The following ZW10 variants were observed in gnomAD, a reference collection of about 807,000 sequenced individuals.
ZW10 encodes zw10 kinetochore protein.
In ZW10, 53 loss-of-function variants were observed where a neutral mutation model predicts 87.8. The ratio of observed to expected loss-of-function variants is 0.60; its 90% CI spans 0.48 to 0.76. The LOEUF (loss-of-function observed/expected upper bound fraction) is 0.76. Among genes scored for constraint, ZW10 ranks in the 30% least tolerant of loss-of-function variants. ZW10 has a pLI of 0.00. For missense variants in ZW10, 837 were observed against 923.0 expected (o/e 0.91, Z 1.21); for synonymous variants, 312 against 329.2 (o/e 0.95, Z 0.57).
chr11:113,773,483 C>A, intron 1 of ZW10, 79 bp downstream of exon 1: 1 of 1,255,958 alleles, frequency 8.0e-7, no homozygotes. Context: ...TGCCCTTAGC[C>A]CCTGACTCCT....
chr11:113,752,671 G>A (rs1953745710), intron 7 of ZW10, among the ~76,000 whole-genome samples: 1 of 152,178 alleles, frequency 6.6e-6, no homozygotes, highest in African/African-American at 2.4e-5. Flanking sequence ...CAAATGTTGT[G>A]TGTGTTCTGA....
In ZW10 at chr11:113,733,426, G is replaced by A. The variant is rs115517863; in HGVS notation, c.*268C>T. ...GGCTCTGGAAGCAGCATGAAATAAT[G>A]CTGCCTGACAGTTTGTTAGCTAATC... On this transcript the variant is annotated 3_prime_UTR_variant, in exon 16 of 16. Transcript: ENST00000200135. 1,705 of 421,726 alleles carry A rather than the reference G, an allele frequency of 4.0e-3. 28 individuals are homozygous for A. The highest frequency in any genetic ancestry group is 0.032 in the African/African-American group (1,550 of 48,294). The allele number at this position is 421,726 out of a possible 1,614,324, so 26.1% of individuals were successfully genotyped here. A position where few individuals can be genotyped will look rare whatever the true frequency, so the allele number is the denominator to read the frequency against.
At chr11:113,760,689 T>TC in intron 3 of ZW10, 99 bp from the exon 4 acceptor site, 2 of 734,346 alleles carry the variant, frequency 2.7e-6, no homozygotes, top group Admixed American at 4.2e-5. Context: ...CCCTCCCCCC[T>TC]CTAAAAAAAA....
chr11:113,764,175 G>A (rs142149970), intron 2 of ZW10, among the ~76,000 whole-genome samples: 11,839 of 152,134 alleles, frequency 0.078, 565 homozygotes, highest in African/African-American at 0.13. Flanking sequence ...GGTTGTAGAC[G>A]TGTGGTGTTA....
Position 113,757,863 on chromosome 11 carries a change from C to T in ZW10, c.734-10G>A. ...TTCAGCAGCATCTGACCTGAAAAAT[C>T]ATATGAACATTCATCAAAAAATCAC... On this transcript the variant is annotated splice_polypyrimidine_tract_variant and intron_variant, in intron 6 of 15. Transcript: ENST00000200135. The T allele has an allele frequency of 6.4e-7, 1 of 1,572,956 alleles. No homozygotes were observed. Among genetic ancestry groups the T allele is most frequent in the Non-Finnish European group, 8.6e-7 (1 of 1,156,120 alleles).
In ZW10 at chr11:113,766,358, G is replaced by A. The variant is rs183998463; in HGVS notation, c.240+2475C>T. Among the ~76,000 whole-genome samples the A allele has an allele frequency of 6.2e-4, 93 of 151,132 alleles. 1 individual carries two copies. Among genetic ancestry groups the A allele is most frequent in the South Asian group, 4.2e-3 (20 of 4,782 alleles). ...CCAGCCTAGGCAACAGAGTGAAACC[G>A]TCTCAAAAAAATAAAAAATAAGAAT... On this transcript the variant is annotated intron_variant, in intron 2 of 15. Transcript: ENST00000200135.
rs1160710741 is a variant in ZW10 at position 113,747,524 on chromosome 11, C to T, written c.1272+7G>A. ...GTTTCATATACAATGCAATATAACA[C>T]TGGTACCTTCACAGTGTTATGAATT... On this transcript the variant is annotated splice_region_variant and intron_variant, in intron 9 of 15. Coordinates refer to ENST00000200135, the MANE Select transcript of ZW10 (RefSeq NM_004724.4). The T allele has an allele frequency of 1.2e-6, 2 of 1,609,352 alleles. No homozygotes were observed. The highest frequency in any genetic ancestry group is 1.3e-5 in the African/African-American group (1 of 74,834).
At chr11:113,753,335 TA>T (rs1953752833) in intron 7 of ZW10, among the ~76,000 whole-genome samples, 1 of 152,226 alleles carries the variant, frequency 6.6e-6, no homozygotes, top group South Asian at 2.1e-4. Context: ...AAAAGTGTAT[TA>T]AAAGTGTATT....
chr11:113,754,473 C>T (rs529332231), intron 7 of ZW10, among the ~76,000 whole-genome samples: 15 of 151,976 alleles, frequency 9.9e-5, no homozygotes, highest in African/African-American at 2.4e-4. Context: ...CAACAGAGTG[C>T]GACTCCATCT....
intron 5 of ZW10, among the ~76,000 whole-genome samples, chr11:113,759,930 G>A (rs1190811728): frequency 2.0e-5 from 3 of 152,090 alleles, no homozygotes; most frequent in Non-Finnish European, 4.4e-5. Flanking sequence ...ATCTCCTCTA[G>A]CACACTCTCA....
chr11:113,760,962 C>T (rs757070329), intron 2 of ZW10, 44 bp from the exon 3 acceptor site: 15 of 1,493,340 alleles, frequency 1.0e-5, no homozygotes, highest in Non-Finnish European at 1.4e-5. Context: ...CTATACCATA[C>T]CTAAGAAATA....
At chr11:113,759,987 A>G (rs1317409305) in intron 5 of ZW10, among the ~76,000 whole-genome samples, 1 of 152,188 alleles carries the variant, frequency 6.6e-6, no homozygotes, top group Non-Finnish European at 1.5e-5. Context: ...ATTTCTAGGG[A>G]ACAGGACAGC....
intron 7 of ZW10, among the ~76,000 whole-genome samples, chr11:113,750,505 T>C (rs965663887): frequency 5.9e-5 from 9 of 152,284 alleles, no homozygotes; most frequent in East Asian, 1.9e-4. Context: ...GGTTTCACCA[T>C]GTTGACCAGG....
chr11:113,738,407 A>G lies in ZW10; in HGVS notation c.1754-13T>C, dbSNP rs750840800. The G allele has an allele frequency of 3.1e-6, 5 of 1,604,186 alleles. No homozygotes were observed. The African/African-American group carries it at 6.8e-5, about 22-fold the overall frequency. ...AAGCATTCTGTCCCTATGATGGAAA[A>G]ACAGAATAAAAAATTTTAAAAGCTG... is the stretch of plus-strand genomic sequence containing the variant. On this transcript the variant is annotated splice_polypyrimidine_tract_variant and intron_variant, in intron 12 of 15. Coordinates refer to ENST00000200135, the MANE Select transcript of ZW10 (RefSeq NM_004724.4).
At chr11:113,747,436 C>T in intron 9 of ZW10, 95 bp downstream of exon 9, 4 of 1,157,468 alleles carry the variant, frequency 3.5e-6, no homozygotes, top group South Asian at 1.7e-5. Context: ...AGCTCAACAA[C>T]CGTCATCCTC....
intron 9 of ZW10, among the ~76,000 whole-genome samples, chr11:113,745,787 G>A (rs1393943498): frequency 6.6e-6 from 1 of 152,206 alleles, no homozygotes; most frequent in Non-Finnish European, 1.5e-5. Context: ...TGGGAAAACA[G>A]TGAGTACACA....
Position 113,748,426 on chromosome 11 carries a change from T to C in ZW10, c.926-6A>G. The C allele has an allele frequency of 6.4e-7, 1 of 1,574,702 alleles. No individual in the cohort carries two copies. Among genetic ancestry groups the C allele is most frequent in the Non-Finnish European group, 8.6e-7 (1 of 1,166,870 alleles). On this transcript the variant is annotated splice_region_variant and splice_polypyrimidine_tract_variant and intron_variant, in intron 7 of 15. Coordinates refer to ENST00000200135, the MANE Select transcript of ZW10 (RefSeq NM_004724.4). ...GTCAGTGTCAAGTGGCAAATCTGAA[T>C]TTTTTAAAAAAAGAAGTTTTAAACA...
intron 2 of ZW10, among the ~76,000 whole-genome samples, chr11:113,767,313 A>G (rs1953918827): frequency 6.6e-6 from 1 of 152,054 alleles, no homozygotes; most frequent in Middle Eastern, 3.4e-3. Flanking sequence ...GATACCCCAT[A>G]GGCACCTTAA....
intron 1 of ZW10, chr11:113,769,848 G>C (rs1174871942): frequency 2.8e-6 from 1 of 356,766 alleles, no homozygotes; most frequent in South Asian, 2.3e-5. Flanking sequence ...TTCCAGAGCT[G>C]CAGAAGTTTC....
Sources: gnomAD v4.1 joint callset for allele counts (sites outside exome capture counted in the v4.1 genomes callset) on GRCh38, gnomAD v4.1.1 for gene constraint, MANE v1.5 for transcripts, NCBI Gene and HGNC (gene_info 2026-07-23, HGNC 2026-07-21) for gene names.